DENND3: variants seen among roughly 807,000 people sequenced by gnomAD.
DENND3 encodes DENN domain containing 3, also known as DENN domain-containing protein 3.
Under a neutral mutation model 135.1 loss-of-function variants are expected in DENND3, and 88 were observed. The ratio of observed to expected loss-of-function variants is 0.65; its 90% confidence interval spans 0.55 to 0.78. The LOEUF (loss-of-function observed/expected upper bound fraction) is 0.78, where lower values mean the gene tolerates loss of function less well. Ranked by LOEUF, DENND3 falls within the 30% of genes least tolerant of loss-of-function variation. DENND3 has a pLI of 0.00. For missense variants in DENND3, 1,392 were observed against 1,688.4 expected (o/e 0.82, Z 3.08); for synonymous variants, 693 against 712.3 (o/e 0.97, Z 0.43).
At chr8:141,160,209 G>A (rs573215299) in intron 8 of DENND3, among the ~76,000 whole-genome samples, 9 of 142,496 alleles carry the variant, frequency 6.3e-5, no homozygotes, top group East Asian at 2.0e-4. Context: ...ACAGAGTTTC[G>A]CTCCTGTTGC....
intron 16 of DENND3, among the ~76,000 whole-genome samples, chr8:141,179,997 G>A (rs776230423): frequency 2.0e-5 from 3 of 152,220 alleles, no homozygotes; most frequent in Non-Finnish European, 2.9e-5. Context: ...ATGAGGAGCC[G>A]TGTCAGAGCA....
chr8:141,152,468 C>T (rs1356613778), intron 7 of DENND3, among the ~76,000 whole-genome samples: 1 of 152,210 alleles, frequency 6.6e-6, no homozygotes, highest in Non-Finnish European at 1.5e-5. Flanking sequence ...CTCGTGGGAA[C>T]AGAGTTGCTC....
At position 141,144,368 on chromosome 8, in the gene DENND3, A is replaced by C; in HGVS notation, c.735+109A>C. ...ATTTCTGAAGTTCTAGCTGTTGTAA[A>C]CCTAAAATAACATCCTAACCCCCCC... is the stretch of plus-strand genomic sequence containing the variant. On this transcript the variant is annotated intron_variant, in intron 5 of 22. Coordinates refer to ENST00000519811, the MANE Select transcript of DENND3 (RefSeq NM_001352890.3). This position sits in a 1 kb window ranked among gnomAD's most constrained non-coding sequence, Gnocchi z 4.4. 1 of 1,068,130 alleles carries C rather than the reference A, an allele frequency of 9.4e-7. No individual in the cohort carries two copies. The highest frequency in any genetic ancestry group is 2.9e-5 in the East Asian group (1 of 34,084). 66.2% of individuals were successfully genotyped at this position (1,068,130 alleles called of 1,614,324 possible). A position where few individuals can be genotyped will look rare whatever the true frequency, so the allele number is the denominator to read the frequency against.
chr8:141,158,721 C>G (rs1219537165), intron 8 of DENND3, among the ~76,000 whole-genome samples: 2 of 152,210 alleles, frequency 1.3e-5, no homozygotes, highest in Admixed American at 6.5e-5. Flanking sequence ...CCTTGCCCAG[C>G]TTTCCCCAGC....
rs1816008509 is a variant in DENND3, at chr8:141,130,965, G to T, written c.102+2156G>T. Among the ~76,000 whole-genome samples, 1 of 152,164 alleles carries T rather than the reference G, an allele frequency of 6.6e-6. No homozygotes were observed. The highest frequency in any genetic ancestry group is 1.5e-5 in the Non-Finnish European group (1 of 68,038). ...CTCCCAAAGTGTTGGGATTATAGGT[G>T]TGAGCCACCGCACCTGGCCGCTTTT... is the stretch of plus-strand genomic sequence containing the variant. On this transcript the variant is annotated intron_variant, in intron 1 of 22. Transcript: ENST00000519811. This position sits in a 1 kb window ranked among gnomAD's most constrained non-coding sequence, Gnocchi z 4.2.
rs1569554520 is a variant in DENND3, at chr8:141,128,777, G to GC, written c.76dup (p.Arg26ProfsTer13). On this transcript the variant is annotated frameshift_variant, in exon 1 of 23. Transcript: ENST00000519811. LOFTEE classifies it high-confidence loss of function. This position sits in a 1 kb window ranked among gnomAD's most constrained non-coding sequence, Gnocchi z 4.5. ...GCTGGAGCTCTGCGCGCTGCTGGGCGCCCCCCGGGACAGTCTCCGAAGTCT... is the reference window on the plus strand; with the variant it reads ...GCTGGAGCTCTGCGCGCTGCTGGGCGCCCCCCCGGGACAGTCTCCGAAGTCT... 7 of 1,464,120 alleles carry GC rather than the reference G, an allele frequency of 4.8e-6. No individual in the cohort carries two copies. Among genetic ancestry groups the GC allele is most frequent in the Middle Eastern group, 1.9e-4 (1 of 5,332 alleles). 90.7% of individuals were successfully genotyped at this position (1,464,120 alleles called of 1,614,324 possible).
At chr8:141,176,884 G>GAGTA in intron 15 of DENND3, 123 bp downstream of exon 15, 1 of 1,108,140 alleles carries the variant, frequency 9.0e-7, no homozygotes, top group Non-Finnish European at 1.3e-6. Flanking sequence ...GTCTTAAGCA[G>GAGTA]AGTAAGTTTG....
rs781708568 is a variant in DENND3, at chr8:141,160,579, G to A, written c.1197-53G>A. On this transcript the variant is annotated intron_variant, in intron 8 of 22. Transcript: ENST00000519811. ...CCTGGTGGGCTGTGTGCTGGTGAGC[G>A]GCCGTGGCCAGTGCTGCTGGGGCTG... 19 of 1,498,054 alleles carry A rather than the reference G, an allele frequency of 1.3e-5. No individual in the cohort carries two copies. In the Admixed American group the frequency reaches 2.1e-4, roughly 16 times the overall value. 92.8% of individuals were successfully genotyped at this position (1,498,054 alleles called of 1,614,324 possible). A position where few individuals can be genotyped will look rare whatever the true frequency, so the allele number is the denominator to read the frequency against.
chr8:141,153,092 C>CTT (rs35650187), intron 7 of DENND3, among the ~76,000 whole-genome samples: 31 of 119,364 alleles, frequency 2.6e-4, no homozygotes, highest in African/African-American at 4.0e-4. Flanking sequence ...CAATATCTTT[C>CTT]TTTTTTTTTT....
chr8:141,148,767 G>A (rs1484445805), intron 5 of DENND3, among the ~76,000 whole-genome samples: 1 of 151,922 alleles, frequency 6.6e-6, no homozygotes, highest in Non-Finnish European at 1.5e-5. Flanking sequence ...TCTTTAATTG[G>A]ATAGCTGGTC....
intron 22 of DENND3, chr8:141,193,099 G>A (rs1824993635): frequency 6.5e-6 from 2 of 306,102 alleles, no homozygotes; most frequent in South Asian, 5.9e-5. Context: ...TGCACCACAT[G>A]GCACTCTCTC....
At chr8:141,176,967 G>C (rs1183320571) in intron 15 of DENND3, 3 of 591,644 alleles carry the variant, frequency 5.1e-6, no homozygotes, top group Non-Finnish European at 8.7e-6. Context: ...CGGTGCTACG[G>C]AAGAGCATGA....
chr8:141,163,549 T>C (rs945490644), intron 10 of DENND3, 120 bp downstream of exon 10: 14 of 609,736 alleles, frequency 2.3e-5, no homozygotes, highest in Non-Finnish European at 3.4e-5. Flanking sequence ...AAGTTTGTTT[T>C]AGCATGGTTC....
chr8:141,153,603 C>A (rs538578875), intron 7 of DENND3, among the ~76,000 whole-genome samples: 1 of 152,138 alleles, frequency 6.6e-6, no homozygotes, highest in South Asian at 2.1e-4. Context: ...GTCCCCGCTG[C>A]GGGGGAGAAC....
At position 141,178,176 on chromosome 8, in the gene DENND3, T is replaced by A; in HGVS notation, c.2816T>A (p.Phe939Tyr). Residue 939 changes from phenylalanine to tyrosine, a missense_variant, in exon 16 of 23, where the codon TTT becomes TAT. Transcript: ENST00000519811. ...AIYAASKLSY[F>Y]DKMSNEMPMT... is the part of the protein sequence containing the mutation. ...TACGCTGCCTCCAAGTTATCCTACTTTGATAAGATGAGTAACGAAAGTAAG... is the reference window on the plus strand; with the variant it reads ...TACGCTGCCTCCAAGTTATCCTACTATGATAAGATGAGTAACGAAAGTAAG... 1 of 1,611,982 alleles carries A rather than the reference T, an allele frequency of 6.2e-7. No homozygotes were observed. Among genetic ancestry groups the A allele is most frequent in the Non-Finnish European group, 8.5e-7 (1 of 1,178,068 alleles).
chr8:141,192,594 C>A lies in DENND3; in HGVS notation c.3567C>A (p.Ala1189=). The A allele has an allele frequency of 6.3e-7, 1 of 1,585,050 alleles. No homozygotes were observed. Among genetic ancestry groups the A allele is most frequent in the Non-Finnish European group, 8.6e-7 (1 of 1,162,714 alleles). ...EVYIWSLKDL[A]QPPQRVPLED... The stretch of plus-strand genomic sequence containing the variant: ...ACATCTGGAGCCTGAAGGACCTGGC[C>A]CAGCCCCCGCAGAGGGTGCCCCTCG... The change falls in exon 22 of 23, where the codon GCC becomes GCA. Residue 1189 remains alanine, a synonymous_variant. Coordinates refer to ENST00000519811, the MANE Select transcript of DENND3 (RefSeq NM_001352890.3).
In DENND3 at chr8:141,167,328, C is replaced by T. The variant is rs1350372903; in HGVS notation, c.1754-676C>T. Among the ~76,000 whole-genome samples the T allele has an allele frequency of 1.3e-5, 2 of 152,172 alleles. No homozygotes were observed. Among genetic ancestry groups the T allele is most frequent in the Admixed American group, 6.5e-5 (1 of 15,284 alleles). On this transcript the variant is annotated intron_variant, in intron 12 of 22. Transcript: ENST00000519811. The surrounding 1 kb of genome is among the most constrained non-coding windows in gnomAD (Gnocchi z 4.1). The stretch of plus-strand genomic sequence containing the variant: ...GCCCTGTGCCCACTCACCCTGGGAG[C>T]ATGCTCCGCTTTCCCTGCCCTCGGA...
rs1458384553 is a variant in DENND3, at chr8:141,194,442, G to C, written c.*209G>C. 3.3e-6 allele frequency: 2 copies of C among 598,676 alleles called. No homozygotes were observed. Among genetic ancestry groups the C allele is most frequent in the Non-Finnish European group, 5.9e-6 (2 of 339,828 alleles). The allele number at this position is 598,676 out of a possible 1,614,324, so 37.1% of individuals were successfully genotyped here. On this transcript the variant is annotated 3_prime_UTR_variant, in exon 23 of 23. Transcript: ENST00000519811. ...GGCCCCCTGGTTAAACTGCACCAAG[G>C]GTGTTTCCTGTTGGGGTGTGTCTCA... is the stretch of plus-strand genomic sequence containing the variant.
intron 17 of DENND3, among the ~76,000 whole-genome samples, chr8:141,183,363 G>A (rs887054866): frequency 3.3e-5 from 5 of 151,820 alleles, no homozygotes; most frequent in East Asian, 1.9e-4. Context: ...CTCCGCCCTC[G>A]GCCTCCTGAT....
Sources: gnomAD v4.1 joint callset for allele counts (sites outside exome capture counted in the v4.1 genomes callset) on GRCh38, gnomAD v4.1.1 for gene constraint, Gnocchi (gnomAD v3.1) non-coding constraint, MANE v1.5 for transcripts, NCBI Gene and HGNC (gene_info 2026-07-23, HGNC 2026-07-21) for gene names.